Variants in MYO1E observed in about 807,000 individuals in gnomAD.
The protein encoded by MYO1E is myosin IE.
In MYO1E, 68 loss-of-function variants were observed where a neutral mutation model predicts 151.1. That is an observed-to-expected ratio of 0.45 (90% confidence interval 0.37 to 0.55). The LOEUF is 0.55. Among genes scored for constraint, MYO1E ranks in the 20% least tolerant of loss-of-function variants. The pLI is 0.00. For missense variants in MYO1E, 1,363 were observed against 1,389.3 expected (o/e 0.98, Z 0.30); for synonymous variants, 601 against 501.7 (o/e 1.20, Z -2.64).
chr15:59,339,338 C>T (rs1253560388), intron 1 of MYO1E, among the ~76,000 whole-genome samples: 1 of 152,272 alleles, frequency 6.6e-6, no homozygotes, highest in East Asian at 1.9e-4. Context: ...TCCTGGTTTT[C>T]TAACCAAATA....
At chr15:59,172,405 G>A (rs1204810801) in intron 21 of MYO1E, among the ~76,000 whole-genome samples, 1 of 152,200 alleles carries the variant, frequency 6.6e-6, no homozygotes, top group Non-Finnish European at 1.5e-5. Flanking sequence ...AATTCACACA[G>A]TGGACTGCTG....
At chr15:59,153,826 G>C (rs1183231102) in intron 25 of MYO1E, 35 bp from the exon 26 acceptor site, 2 of 1,584,794 alleles carry the variant, frequency 1.3e-6, no homozygotes, top group African/African-American at 2.7e-5. Flanking sequence ...ATAAGGCTCA[G>C]ATTTTTGGAT....
chr15:59,183,007 T>C (rs1322907916), intron 18 of MYO1E, among the ~76,000 whole-genome samples: 1 of 152,162 alleles, frequency 6.6e-6, no homozygotes, highest in Non-Finnish European at 1.5e-5. Context: ...TGTGCTCCTA[T>C]GAGAATCTAA....
intron 26 of MYO1E, among the ~76,000 whole-genome samples, chr15:59,143,171 C>T (rs570262852): frequency 6.6e-6 from 1 of 152,156 alleles, no homozygotes; most frequent in Non-Finnish European, 1.5e-5. Flanking sequence ...AATTTGGGGT[C>T]CATAATTGTC....
At chr15:59,148,271 G>C (rs1189229611) in intron 26 of MYO1E, among the ~76,000 whole-genome samples, 2 of 152,288 alleles carry the variant, frequency 1.3e-5, no homozygotes, top group African/African-American at 4.8e-5. Flanking sequence ...AGGAAAGAAT[G>C]AATGAACCAG....
At chr15:59,186,552 G>A (rs2079699239) in intron 18 of MYO1E, among the ~76,000 whole-genome samples, 1 of 152,180 alleles carries the variant, frequency 6.6e-6, no homozygotes, top group Admixed American at 6.5e-5. Flanking sequence ...GATCACTTGA[G>A]AGTAGCTGGG....
At chr15:59,332,349 C>A (rs2080703107) in intron 1 of MYO1E, among the ~76,000 whole-genome samples, 1 of 152,174 alleles carries the variant, frequency 6.6e-6, no homozygotes, top group Admixed American at 6.5e-5. Flanking sequence ...GAATCCTGGG[C>A]TTTTGTACAG....
intron 16 of MYO1E, among the ~76,000 whole-genome samples, chr15:59,201,249 C>T (rs565592848): frequency 6.6e-6 from 1 of 151,980 alleles, no homozygotes; most frequent in East Asian, 1.9e-4. Flanking sequence ...AAGATGTGAG[C>T]CACTACACCT....
intron 19 of MYO1E, among the ~76,000 whole-genome samples, chr15:59,176,354 G>A (rs980797889): frequency 1.3e-5 from 2 of 152,032 alleles, no homozygotes; most frequent in Non-Finnish European, 2.9e-5. Flanking sequence ...GCCACTGCGC[G>A]CGGTTATGAT....
At chr15:59,333,619 A>G (rs1399295282) in intron 1 of MYO1E, among the ~76,000 whole-genome samples, 1 of 152,096 alleles carries the variant, frequency 6.6e-6, no homozygotes, top group Non-Finnish European at 1.5e-5. Flanking sequence ...CTACCACACA[A>G]CACTGGACCT....
chr15:59,251,209 T>G (rs1204440128), intron 4 of MYO1E, among the ~76,000 whole-genome samples: 11 of 152,222 alleles, frequency 7.2e-5, no homozygotes, highest in African/African-American at 2.2e-4. Flanking sequence ...CAGGTGTTCC[T>G]CCTCATAAAA....
At chr15:59,341,894 G>A (rs1185419054) in intron 1 of MYO1E, among the ~76,000 whole-genome samples, 4 of 152,190 alleles carry the variant, frequency 2.6e-5, no homozygotes, top group Admixed American at 6.5e-5. Context: ...CAATGGAATT[G>A]CTGGATCATA....
At chr15:59,282,128 TTTAAA>T (rs2080356453) in intron 1 of MYO1E, among the ~76,000 whole-genome samples, 1 of 152,236 alleles carries the variant, frequency 6.6e-6, no homozygotes, top group African/African-American at 2.4e-5. Context: ...CCATAGGGAA[TTTAAA>T]TAACTTCTGT....
intron 1 of MYO1E, among the ~76,000 whole-genome samples, chr15:59,356,805 G>T (rs1323672062): frequency 1.3e-5 from 2 of 152,096 alleles, no homozygotes; most frequent in Non-Finnish European, 2.9e-5. Flanking sequence ...CTAAGCTCAA[G>T]GGATCTGCCT....
At position 59,184,235 on chromosome 15, in the gene MYO1E, G is replaced by A. The variant is rs893328641; in HGVS notation, c.1904+3883C>T. On this transcript the variant is annotated intron_variant, in intron 18 of 27. Transcript: ENST00000288235. ...TTGGCCAGGCTGGTCTCAAACTCCC[G>A]ACCTCAAGTGATCCACACACCTTGG... Among the ~76,000 whole-genome samples the A allele has an allele frequency of 1.6e-4, 25 of 151,992 alleles. No homozygotes were observed. In the East Asian group the frequency reaches 3.3e-3, roughly 20 times the overall value.
chr15:59,166,262 C>G (rs2079562344), intron 22 of MYO1E, among the ~76,000 whole-genome samples: 1 of 152,226 alleles, frequency 6.6e-6, no homozygotes, highest in African/African-American at 2.4e-5. Flanking sequence ...AACCTGAAAA[C>G]AAAGCTTTCG....
At chr15:59,206,465 A>G (rs1357915572) in intron 14 of MYO1E, among the ~76,000 whole-genome samples, 1 of 152,198 alleles carries the variant, frequency 6.6e-6, no homozygotes, top group Non-Finnish European at 1.5e-5. Context: ...TAGACCAGAA[A>G]GCAGGCGCCC....
chr15:59,204,351 G>A (rs2079819810), intron 15 of MYO1E, among the ~76,000 whole-genome samples: 1 of 152,214 alleles, frequency 6.6e-6, no homozygotes, highest in South Asian at 2.1e-4. Context: ...CTCTTGCTTT[G>A]CTTTCATTGC....
intron 26 of MYO1E, among the ~76,000 whole-genome samples, chr15:59,151,010 GAC>G (rs60541381): frequency 0.09 from 12,654 of 140,936 alleles, 496 homozygotes; most frequent in South Asian, 0.11. Context: ...AGAGGAGAGG[GAC>G]ACACACACAC....
Sources: allele counts gnomAD v4.1 joint callset (sites outside exome capture counted in the v4.1 genomes callset), GRCh38; gene constraint gnomAD v4.1.1; transcripts MANE v1.5; gene names NCBI Gene and HGNC (gene_info 2026-07-23, HGNC 2026-07-21).